The following KIF1C variants were observed in gnomAD, a reference collection of about 807,000 sequenced individuals.
The protein encoded by KIF1C is kinesin-like protein KIF1C.
A neutral mutation model predicts 126.5 loss-of-function variants in KIF1C; 61 were observed. The observed-to-expected ratio is 0.48, with a 90% CI of 0.39 to 0.60. The LOEUF (loss-of-function observed/expected upper bound fraction) is 0.60, where lower values mean the gene tolerates loss of function less well. Ranked by LOEUF, KIF1C falls within the 20% of genes least tolerant of loss-of-function variation. The probability of loss-of-function intolerance (pLI) is 0.00; values close to 1 mark genes in which losing one functional copy is unlikely to be tolerated. For synonymous variants in KIF1C, 640 were observed against 580.6 expected, an observed-to-expected ratio of 1.10 and a Z score of -1.47; for missense variants, 1,315 against 1,489.2, an observed-to-expected ratio of 0.88 and a Z score of 1.93.
Position 5,023,379 on chromosome 17 carries a change from C to T in KIF1C, c.2629-89C>T, listed in dbSNP as rs1294345727. The T allele has an allele frequency of 1.1e-5, 12 of 1,117,650 alleles. No homozygotes were observed. The highest frequency in any genetic ancestry group is 1.2e-5 in the Non-Finnish European group (9 of 770,178). The allele number at this position is 1,117,650 out of a possible 1,614,324, so 69.2% of individuals were successfully genotyped here. A position where few individuals can be genotyped will look rare whatever the true frequency, so the allele number is the denominator to read the frequency against. ...GCTTTTCTCTGGACCCTTTGACATC[C>T]AGCCACTCCAGGTCCCTCTTGAATC... On this transcript the variant is annotated intron_variant, in intron 22 of 22. Coordinates refer to ENST00000320785, the MANE Select transcript of KIF1C (RefSeq NM_006612.6). The surrounding 1 kb of genome is among the most constrained non-coding windows in gnomAD (Gnocchi z 4.2).
At chr17:5,007,189 C>T in intron 14 of KIF1C, 74 bp from the exon 15 acceptor site, 1 of 1,569,810 alleles carries the variant, frequency 6.4e-7, no homozygotes, top group East Asian at 2.3e-5. Context: ...TAGCATGGCC[C>T]CAGGGTAGGT....
chr17:5,005,471 G>GA (rs1301551263), intron 13 of KIF1C, among the ~76,000 whole-genome samples: 2 of 152,170 alleles, frequency 1.3e-5, no homozygotes, highest in African/African-American at 4.8e-5. Context: ...AATCCATGTT[G>GA]ACGGTCAGGA....
chr17:5,000,639 T>C (rs1401071085), intron 3 of KIF1C, 133 bp from the exon 4 acceptor site: 1 of 865,234 alleles, frequency 1.2e-6, no homozygotes, highest in African/African-American at 1.7e-5. Flanking sequence ...GTGGGGAATG[T>C]TAAAGGGGAG....
rs201323370 is a variant in KIF1C at position 5,020,925 on chromosome 17, G to A, written c.2010+47G>A. ...GGATGGGCTGATGGGCAGATGAGCC[G>A]CAAGCCTGAGTCCGAGTGCAGTGCT... On this transcript the variant is annotated intron_variant, in intron 21 of 22. Transcript: ENST00000320785. This position sits in a 1 kb window ranked among gnomAD's most constrained non-coding sequence, Gnocchi z 5.8. 1.0e-4 allele frequency: 157 copies of A among 1,495,322 alleles called. 1 individual carries two copies. In the Admixed American group the frequency reaches 2.3e-3, roughly 22 times the overall value. The allele number at this position is 1,495,322 out of a possible 1,614,324, so 92.6% of individuals were successfully genotyped here.
At position 5,020,990 on chromosome 17, in the gene KIF1C, G is replaced by A. The variant is rs866586296; in HGVS notation, c.2010+112G>A. 301 of 910,206 alleles carry A rather than the reference G, an allele frequency of 3.3e-4. 1 individual carries two copies. Among genetic ancestry groups the A allele is most frequent in the Middle Eastern group, 1.2e-3 (4 of 3,222 alleles). The allele number at this position is 910,206 out of a possible 1,614,324, so 56.4% of individuals were successfully genotyped here. On this transcript the variant is annotated intron_variant, in intron 21 of 22. Transcript: ENST00000320785. The surrounding 1 kb of genome is among the most constrained non-coding windows in gnomAD (Gnocchi z 5.8). ...AGTGGGAAATGGGCATGGGGGTAAG[G>A]GGAAGGGTCCAAGAGGAAAAAGCCA...
intron 17 of KIF1C, chr17:5,014,351 A>G (rs939413357): frequency 2.6e-5 from 5 of 193,308 alleles, no homozygotes; most frequent in African/African-American, 1.2e-4. Flanking sequence ...CCCGGGGGGC[A>G]GCCTCTGCTT....
Position 5,020,521 on chromosome 17 carries a change from G to A in KIF1C, c.1780G>A (p.Val594Ile), listed in dbSNP as rs745324466. ...TAGGATTGTGATGGGCAAGAACCAC[G>A]TTTTCCGCTTCAACCACCCGGAGCA... The part of the protein sequence containing the change: ...GNRIVMGKNH[V>I]FRFNHPEQAR... Residue 594 changes from valine (V) to isoleucine (I), a missense_variant, in exon 20 of 23, where the codon GTT becomes ATT. This residue lies in a region of KIF1C where 874 missense variants were observed against 1,053.2 expected (regional missense o/e 0.83). Transcript: ENST00000320785. The surrounding 1 kb of genome is among the most constrained non-coding windows in gnomAD (Gnocchi z 5.8). The A allele has an allele frequency of 9.3e-6, 15 of 1,614,032 alleles. No homozygotes were observed. The highest frequency in any genetic ancestry group is 2.2e-5 in the East Asian group (1 of 44,886).
chr17:5,014,681 T>C, intron 17 of KIF1C, 62 bp from the exon 18 acceptor site: 1 of 1,213,516 alleles, frequency 8.2e-7, no homozygotes. Flanking sequence ...TAAACTGGTG[T>C]TCAGGAGGGG....
intron 13 of KIF1C, among the ~76,000 whole-genome samples, chr17:5,006,692 C>T (rs962395712): frequency 6.6e-6 from 1 of 152,140 alleles, no homozygotes; most frequent in Non-Finnish European, 1.5e-5. Flanking sequence ...GACTGGCCGC[C>T]TCCTTCAGTA....
At chr17:5,007,653 C>A in intron 16 of KIF1C, 111 bp downstream of exon 16, 1 of 772,182 alleles carries the variant, frequency 1.3e-6, no homozygotes, top group Non-Finnish European at 2.0e-6. Context: ...TTGAGGTCCC[C>A]GGCTTGTCCC....
Position 4,999,975 on chromosome 17 carries a change from C to G in KIF1C, c.-28+5C>G. 2.2e-6 allele frequency: 1 copy of G among 460,990 alleles called. No homozygotes were observed. Among genetic ancestry groups the G allele is most frequent in the Non-Finnish European group, 4.0e-6 (1 of 251,518 alleles). The allele number at this position is 460,990 out of a possible 1,614,324, so 28.6% of individuals were successfully genotyped here. ...GGTCTGGGGCCAGGACGCCAGGTAA[C>G]TGGGGGAGACCGCCCAGGTTCCTGC... On this transcript the variant is annotated splice_donor_5th_base_variant and intron_variant, in intron 2 of 22. Coordinates refer to ENST00000320785, the MANE Select transcript of KIF1C (RefSeq NM_006612.6).
intron 18 of KIF1C, among the ~76,000 whole-genome samples, chr17:5,017,392 C>T (rs1173377863): frequency 2.0e-5 from 3 of 151,368 alleles, no homozygotes; most frequent in Admixed American, 6.6e-5. Flanking sequence ...CTCTGCCTCC[C>T]GGGTTCACGC....
intron 16 of KIF1C, among the ~76,000 whole-genome samples, chr17:5,011,357 C>T (rs910152325): frequency 1.3e-5 from 2 of 152,156 alleles, no homozygotes; most frequent in East Asian, 1.9e-4. Flanking sequence ...GGTGTTCAAA[C>T]CTGGTTCTGA....
intron 18 of KIF1C, among the ~76,000 whole-genome samples, chr17:5,017,820 GAC>G (rs1458907888): frequency 6.6e-6 from 1 of 152,078 alleles, no homozygotes; most frequent in East Asian, 1.9e-4. Flanking sequence ...ACTGGATTCA[GAC>G]ACAGGATGGC....
intron 18 of KIF1C, among the ~76,000 whole-genome samples, chr17:5,016,874 C>T (rs1056733928): frequency 2.7e-5 from 4 of 150,918 alleles, no homozygotes; most frequent in African/African-American, 9.8e-5. Context: ...CCACTGCACT[C>T]CAGCCTGGGT....
At chr17:5,006,870 CCTT>C (rs766859518) in intron 13 of KIF1C, 42 bp from the exon 14 acceptor site, 79 of 1,601,134 alleles carry the variant, frequency 4.9e-5, no homozygotes, top group East Asian at 1.8e-4. Flanking sequence ...CTCATCAGCT[CCTT>C]CTTTCCTTAG....
intron 1 of KIF1C, among the ~76,000 whole-genome samples, chr17:4,999,640 A>G (rs112653705): frequency 6.6e-6 from 1 of 151,676 alleles, no homozygotes; most frequent in Non-Finnish European, 1.5e-5. Context: ...TCTGTCCTCT[A>G]TCTGAACGTT....
chr17:5,010,122 C>T (rs547199950), intron 16 of KIF1C, among the ~76,000 whole-genome samples: 4 of 152,228 alleles, frequency 2.6e-5, no homozygotes, highest in African/African-American at 7.2e-5. Flanking sequence ...GACAGGGTTT[C>T]GCCATGTTGG....
chr17:5,009,109 A>G (rs1439351460), intron 16 of KIF1C, among the ~76,000 whole-genome samples: 4 of 150,580 alleles, frequency 2.7e-5, no homozygotes, highest in South Asian at 2.1e-4. Flanking sequence ...GCATTTTGTT[A>G]TAGAAAAAAA....
Sources: allele counts gnomAD v4.1 joint callset (sites outside exome capture counted in the v4.1 genomes callset), GRCh38; gene constraint gnomAD v4.1.1; regional missense constraint gnomAD v4.1.1; non-coding constraint Gnocchi (gnomAD v3.1); transcripts MANE v1.5; gene names NCBI Gene and HGNC (gene_info 2026-07-23, HGNC 2026-07-21).